Variants in FGF13 observed in about 807,000 individuals in gnomAD.
FGF13 encodes the protein fibroblast growth factor homologous factor 2.
Under a neutral mutation model 19.5 loss-of-function variants are expected in FGF13, and 2 were observed. That is an observed-to-expected ratio of 0.10 (90% CI 0.04 to 0.32). The LOEUF (loss-of-function observed/expected upper bound fraction) is 0.32. Among genes scored for constraint, FGF13 ranks in the 10% least tolerant of loss-of-function variants. FGF13 has a pLI of 1.00. For synonymous variants in FGF13, 72 were observed against 76.9 expected (o/e 0.94, Z 0.33); for missense variants, 113 against 192.7 (o/e 0.59, Z 2.45).
chrX:138,905,212 G>A (rs1414938174), intron 1 of FGF13, among the ~76,000 whole-genome samples: 1 of 111,448 alleles, frequency 9.0e-6, no homozygotes, highest in Non-Finnish European at 1.9e-5. Context: ...CCTGTTCTTT[G>A]AAAACAGAGC....
intron 1 of FGF13, among the ~76,000 whole-genome samples, chrX:139,089,045 C>T: frequency 1.8e-5 from 2 of 112,372 alleles, no homozygotes; most frequent in Middle Eastern, 9.3e-3. Flanking sequence ...AAACAAATTT[C>T]TGTTATTTCT....
At chrX:138,708,548 C>T (rs1032961767) in intron 2 of FGF13, among the ~76,000 whole-genome samples, 1 of 111,689 alleles carries the variant, frequency 9.0e-6, no homozygotes, top group Admixed American at 9.5e-5. Flanking sequence ...TAATAAAATC[C>T]AAAGGATAGC....
At chrX:139,106,696 GT>G (rs1348433954) in intron 1 of FGF13, among the ~76,000 whole-genome samples, 4 of 112,502 alleles carry the variant, frequency 3.6e-5, no homozygotes, top group Non-Finnish European at 7.5e-5. Context: ...CTAAGATCTA[GT>G]TAGGATTCCA....
rs2089102621 is a variant in FGF13, at chrX:138,630,204, G to T, written c.*2646C>A. 1 of 110,801 alleles carries T rather than the reference G, an allele frequency of 9.0e-6. No individual in the cohort carries two copies. Among genetic ancestry groups the T allele is most frequent in the African/African-American group, 3.3e-5 (1 of 30,408 alleles). The allele number at this position is 110,801 out of a possible 1,213,427, so 9.1% of individuals were successfully genotyped here. A position where few individuals can be genotyped will look rare whatever the true frequency, so the allele number is the denominator to read the frequency against. ...GCTGGGGGTAAAGGATTCTTCCTGGGCATTTTGACTCCATCCTATTAACGC... is the reference window on the plus strand; with the variant it reads ...GCTGGGGGTAAAGGATTCTTCCTGGTCATTTTGACTCCATCCTATTAACGC... On this transcript the variant is annotated 3_prime_UTR_variant, in exon 5 of 5. Coordinates refer to ENST00000315930, the MANE Select transcript of FGF13 (RefSeq NM_004114.5).
intron 1 of FGF13, among the ~76,000 whole-genome samples, chrX:139,137,409 T>C (rs960839892): frequency 6.2e-5 from 7 of 112,304 alleles, no homozygotes; most frequent in Non-Finnish European, 1.3e-4. Flanking sequence ...CAGTACCTTA[T>C]GCAGAGATTT....
intron 3 of FGF13, among the ~76,000 whole-genome samples, chrX:138,758,070 C>T (rs895205108): frequency 4.5e-5 from 5 of 111,291 alleles, no homozygotes; most frequent in Admixed American, 2.9e-4. Context: ...TTTTACTAGG[C>T]GGGAATAAGG....
intron 1 of FGF13, among the ~76,000 whole-genome samples, chrX:139,066,983 A>T (rs1235676508): frequency 1.8e-5 from 2 of 111,897 alleles, no homozygotes; most frequent in Non-Finnish European, 3.8e-5. Context: ...CAACATACAC[A>T]AATCAATAAA....
At chrX:139,153,994 C>A (rs953526719) in intron 1 of FGF13, among the ~76,000 whole-genome samples, 8 of 111,525 alleles carry the variant, frequency 7.2e-5, no homozygotes, top group African/African-American at 2.6e-4. Flanking sequence ...TTCTAGCCTC[C>A]AGAACTATGA....
intron 3 of FGF13, among the ~76,000 whole-genome samples, chrX:138,638,700 G>A (rs1306359383): frequency 2.7e-5 from 3 of 111,906 alleles, no homozygotes; most frequent in Non-Finnish European, 5.6e-5. Flanking sequence ...CTAGGACTCA[G>A]AATTATCAAC....
chrX:139,083,110 T>C (rs2083381739), intron 1 of FGF13, among the ~76,000 whole-genome samples: 1 of 111,049 alleles, frequency 9.0e-6, no homozygotes, highest in African/African-American at 3.3e-5. Context: ...TCTTACCTTT[T>C]GGAGAGAAAT....
At chrX:139,107,049 G>T (rs912271597) in intron 1 of FGF13, among the ~76,000 whole-genome samples, 5 of 111,525 alleles carry the variant, frequency 4.5e-5, no homozygotes, top group Non-Finnish European at 7.5e-5. Flanking sequence ...ATATGTATGA[G>T]ACCCTGGGGA....
chrX:139,006,490 G>A (rs763536461), intron 1 of FGF13, among the ~76,000 whole-genome samples: 183 of 111,124 alleles, frequency 1.6e-3, no homozygotes, highest in Middle Eastern at 9.4e-3. Flanking sequence ...ATCAACTGAA[G>A]GTACAAAACT....
chrX:138,712,961 G>C (rs762564273), upstream of FGF13, among the ~76,000 whole-genome samples: 3 of 112,377 alleles, frequency 2.7e-5, no homozygotes, highest in Non-Finnish European at 5.6e-5. Flanking sequence ...CCCTTCTGTA[G>C]ATTCCATTGC....
intron 1 of FGF13, among the ~76,000 whole-genome samples, chrX:138,947,643 G>A (rs1428370764): frequency 1.2e-4 from 13 of 111,204 alleles, no homozygotes; most frequent in Admixed American, 2.9e-4. Context: ...CGAGGCTAAC[G>A]TCTCAGCTAT....
At position 139,065,606 on chromosome X, in the gene FGF13, T is replaced by C. The variant is rs752279062; in HGVS notation, c.-113+137810A>G. ...CATTACATAATGGTAAAGGGATCAA[T>C]ACAACCAGAAGAGCTAACTATCCTA... On this transcript the variant is annotated intron_variant, in intron 1 of 2. Coordinates refer to the FGF13 transcript ENST00000421460. 1.6e-4 allele frequency among the ~76,000 whole-genome samples: 17 copies of C among 108,416 alleles called. No homozygotes were observed. The South Asian group carries it at 6.4e-3, about 41-fold the overall frequency. 94.1% of individuals were successfully genotyped at this position (108,416 alleles called of 115,157 possible). A position where few individuals can be genotyped will look rare whatever the true frequency, so the allele number is the denominator to read the frequency against.
Position 139,067,003 on chromosome X carries a change from T to C in FGF13, c.-113+136413A>G, listed in dbSNP as rs192888121. ...TACACAAATCAATAAACATAATCCA[T>C]CACATAAACAGAACCAAGGACAAAA... On this transcript the variant is annotated intron_variant, in intron 1 of 2. Transcript: ENST00000421460. 4.8e-3 allele frequency among the ~76,000 whole-genome samples: 530 copies of C among 111,355 alleles called. 2 individuals carry two copies. The highest frequency in any genetic ancestry group is 0.016 in the African/African-American group (502 of 30,616).
intron 3 of FGF13, among the ~76,000 whole-genome samples, chrX:138,757,661 G>A (rs1202163017): frequency 9.0e-6 from 1 of 111,041 alleles, no homozygotes; most frequent in Non-Finnish European, 1.9e-5. Flanking sequence ...CAGGATCTCT[G>A]ACCTTGAATT....
intron 3 of FGF13, among the ~76,000 whole-genome samples, chrX:138,772,980 G>A (rs145563581): frequency 9.2e-6 from 1 of 108,692 alleles, no homozygotes; most frequent in Admixed American, 9.9e-5. Context: ...ACTATTGACC[G>A]AACTAACTGG....
rs764151731 is a variant in FGF13, at chrX:138,790,043, C to CAAAAA, written c.217+67464_217+67468dup. 3.1e-4 allele frequency among the ~76,000 whole-genome samples: 9 copies of CAAAAA among 29,167 alleles called. 1 individual carries two copies. The highest frequency in any genetic ancestry group is 1.0e-3 in the African/African-American group (9 of 8,902). The allele number at this position is 29,167 out of a possible 115,157, so 25.3% of individuals were successfully genotyped here. A position where few individuals can be genotyped will look rare whatever the true frequency, so the allele number is the denominator to read the frequency against. On this transcript the variant is annotated intron_variant, in intron 3 of 6. Transcript: ENST00000436198. ...CTGGGTGACAGAGCGAGACTCCATT[C>CAAAAA]AAAAAAAAAAAAAAAAAAAAAAAAA... is the stretch of plus-strand genomic sequence containing the variant.
Sources: gnomAD v4.1 joint callset for allele counts (sites outside exome capture counted in the v4.1 genomes callset) on GRCh38, gnomAD v4.1.1 for gene constraint, MANE v1.5 for transcripts, NCBI Gene and HGNC (gene_info 2026-07-23, HGNC 2026-07-21) for gene names.